ENPP3: variants seen among roughly 807,000 people sequenced by gnomAD.
ENPP3 encodes ectonucleotide pyrophosphatase/phosphodiesterase family member 3.
ENPP3 carries 104 observed loss-of-function variants against 117.8 expected under a neutral mutation model. The observed-to-expected ratio is 0.88, with a 90% CI of 0.75 to 1.04. The LOEUF is 1.04. ENPP3 is among the 50% of genes least tolerant of loss of function. The pLI, the probability that ENPP3 is intolerant of heterozygous loss-of-function variation, is 0.00. For missense variants in ENPP3, 1,026 were observed against 1,051.9 expected (o/e 0.98, Z 0.34); for synonymous variants, 380 against 349.9 (o/e 1.09, Z -0.96).
chr6:131,719,524 A>G (rs915917413), intron 16 of ENPP3, among the ~76,000 whole-genome samples: 9 of 152,154 alleles, frequency 5.9e-5, no homozygotes, highest in African/African-American at 1.9e-4. Flanking sequence ...TAAATATTTG[A>G]AAACGATCTC....
intron 5 of ENPP3, 103 bp from the exon 6 acceptor site, chr6:131,658,220 C>A: frequency 1.5e-6 from 1 of 667,198 alleles, no homozygotes. Flanking sequence ...CAAAAGTTAC[C>A]CAATTATTTT....
At chr6:131,671,426 C>G in intron 7 of ENPP3, 99 bp downstream of exon 7, 3 of 740,314 alleles carry the variant, frequency 4.1e-6, no homozygotes, top group Non-Finnish European at 7.1e-6. Flanking sequence ...GTGACTTACC[C>G]TTCTGAAGCA....
rs1393551351 is a variant in ENPP3 at position 131,722,207 on chromosome 6, C to CT, written c.1568-19dup. 12 of 1,597,842 alleles carry CT rather than the reference C, an allele frequency of 7.5e-6. No homozygotes were observed. The highest frequency in any genetic ancestry group is 1.3e-5 in the African/African-American group (1 of 74,286). On this transcript the variant is annotated intron_variant, in intron 17 of 24. Transcript: ENST00000357639. ...CTTTCCAGTGTAAAGCTACTTTGAA[C>CT]TAATTTTTTCAAAAAACAGATCTTC...
chr6:131,675,358 T>G, intron 9 of ENPP3, 169 bp downstream of exon 9: 1 of 572,796 alleles, frequency 1.7e-6, no homozygotes, highest in Non-Finnish European at 3.1e-6. Flanking sequence ...CAGTAAATGC[T>G]TTTGGCTGTA....
intron 20 of ENPP3, among the ~76,000 whole-genome samples, chr6:131,732,761 G>C (rs996397760): frequency 7.2e-6 from 1 of 139,250 alleles, no homozygotes; most frequent in African/African-American, 2.7e-5. Flanking sequence ...TTTTCAGATG[G>C]AGTCTCACTC....
At chr6:131,697,286 G>A (rs1779428685) in intron 15 of ENPP3, among the ~76,000 whole-genome samples, 5 of 152,034 alleles carry the variant, frequency 3.3e-5, no homozygotes, top group Non-Finnish European at 7.3e-5. Context: ...GTAGATACAG[G>A]TGGCTTGAGG....
At chr6:131,658,190 G>T in intron 5 of ENPP3, 133 bp from the exon 6 acceptor site, 62 of 560,832 alleles carry the variant, frequency 1.1e-4, no homozygotes, top group Middle Eastern at 9.0e-4. Flanking sequence ...AATAAAAAAT[G>T]ACAGTGTCTG....
chr6:131,701,884 G>GA (rs1170025527), intron 15 of ENPP3, among the ~76,000 whole-genome samples: 5,455 of 96,940 alleles, frequency 0.056, 205 homozygotes, highest in African/African-American at 0.17. Context: ...TCTGTCTCCA[G>GA]AAAAAAAAAA....
Position 131,652,657 on chromosome 6 carries a change from T to C in ENPP3, c.393T>C (p.Ser131=). 2 of 1,613,888 alleles carry C rather than the reference T, an allele frequency of 1.2e-6. No homozygotes were observed. The highest frequency in any genetic ancestry group is 1.7e-6 in the Non-Finnish European group (2 of 1,179,928). Residue 131 remains serine, a synonymous_variant, in exon 4 of 25, where the codon AGT becomes AGC. Coordinates refer to ENST00000357639, the MANE Select transcript of ENPP3 (RefSeq NM_005021.5). ...AAGATTGCTGTGCTGACTATAAGAG[T>C]GTTTGCCAAGGTGAGCAGGAGGATG... ...QRKDCCADYK[S]VCQGETSWLE...
At chr6:131,639,846 G>T (rs1778005187) in intron 1 of ENPP3, among the ~76,000 whole-genome samples, 1 of 151,990 alleles carries the variant, frequency 6.6e-6, no homozygotes, top group African/African-American at 2.4e-5. Flanking sequence ...AACTTCTTAG[G>T]CGGGGCACAG....
rs184790151 is a variant in ENPP3 at position 131,684,240 on chromosome 6, G to A, written c.1120+1078G>A. ...TAGTGTGTCTGCAGAACTTTTGGTCGTATTTTAGAGCATCCAGATAATGGG... is the reference window on the plus strand; with the variant it reads ...TAGTGTGTCTGCAGAACTTTTGGTCATATTTTAGAGCATCCAGATAATGGG... On this transcript the variant is annotated intron_variant, in intron 12 of 24. Coordinates refer to ENST00000357639, the MANE Select transcript of ENPP3 (RefSeq NM_005021.5). Among the ~76,000 whole-genome samples, 379 of 152,286 alleles carry A rather than the reference G, an allele frequency of 2.5e-3. 2 individuals carry two copies. Among genetic ancestry groups the A allele is most frequent in the Non-Finnish European group, 3.9e-3 (267 of 68,030 alleles).
At chr6:131,718,931 A>G (rs984171388) in intron 16 of ENPP3, among the ~76,000 whole-genome samples, 193 bp downstream of exon 16, 5 of 152,168 alleles carry the variant, frequency 3.3e-5, no homozygotes, top group East Asian at 1.9e-4. Flanking sequence ...ATTATAGGCA[A>G]TGTTCAAGGT....
intron 8 of ENPP3, among the ~76,000 whole-genome samples, chr6:131,674,872 A>G (rs1467528499): frequency 6.6e-6 from 1 of 152,082 alleles, no homozygotes; most frequent in Non-Finnish European, 1.5e-5. Context: ...AAAGGGAGAG[A>G]GGAACCATCC....
intron 1 of ENPP3, among the ~76,000 whole-genome samples, chr6:131,639,198 T>A (rs1777988624): frequency 6.6e-6 from 1 of 151,386 alleles, no homozygotes; most frequent in African/African-American, 2.4e-5. Flanking sequence ...TTATTCTTTA[T>A]CCTTCTGAGA....
chr6:131,641,366 C>A, intron 1 of ENPP3, 89 bp from the exon 2 acceptor site: 1 of 783,758 alleles, frequency 1.3e-6, no homozygotes, highest in Non-Finnish European at 2.1e-6. Context: ...GCTGCAGGTA[C>A]TTAGAGAGAA....
chr6:131,649,782 C>A (rs749471587), intron 2 of ENPP3, among the ~76,000 whole-genome samples: 15 of 152,174 alleles, frequency 9.9e-5, no homozygotes, highest in Non-Finnish European at 2.1e-4. Flanking sequence ...TCTCAAACTC[C>A]TGACCTCAAG....
At chr6:131,711,211 A>G (rs2114502493) in intron 15 of ENPP3, among the ~76,000 whole-genome samples, 1 of 151,452 alleles carries the variant, frequency 6.6e-6, no homozygotes, top group African/African-American at 2.4e-5. Flanking sequence ...GTCCCCCACC[A>G]CCTCCCCTGG....
intron 2 of ENPP3, among the ~76,000 whole-genome samples, chr6:131,648,120 G>A (rs1421610690): frequency 6.6e-6 from 1 of 151,624 alleles, no homozygotes; most frequent in African/African-American, 2.4e-5. Flanking sequence ...AGTAAAAAAT[G>A]ATCATATTTT....
In ENPP3 at chr6:131,682,517, T is replaced by A. The variant is rs754219105; in HGVS notation, c.1012-537T>A. On this transcript the variant is annotated intron_variant, in intron 11 of 24. Coordinates refer to ENST00000357639, the MANE Select transcript of ENPP3 (RefSeq NM_005021.5). The stretch of plus-strand genomic sequence containing the variant: ...CCTAAAAATAAATAAATAAATAAAT[T>A]ATTTTTCCTTGCATTTAAATTATAA... Among the ~76,000 whole-genome samples, 21 of 152,098 alleles carry A rather than the reference T, an allele frequency of 1.4e-4. 1 individual carries two copies. Among genetic ancestry groups the A allele is most frequent in the Non-Finnish European group, 2.4e-4 (16 of 68,022 alleles).
Sources: allele counts gnomAD v4.1 joint callset (sites outside exome capture counted in the v4.1 genomes callset), GRCh38; gene constraint gnomAD v4.1.1; transcripts MANE v1.5; gene names NCBI Gene and HGNC (gene_info 2026-07-23, HGNC 2026-07-21).